Variants in PRAG1 observed in about 807,000 individuals in gnomAD.
PRAG1 encodes the protein inactive tyrosine-protein kinase PRAG1.
Under a neutral mutation model 95.6 loss-of-function variants are expected in PRAG1, and 110 were observed. The observed-to-expected ratio is 1.15, with a 90% CI of 0.99 to 1.35. PRAG1 has a LOEUF of 1.35. Ranked by LOEUF, PRAG1 falls within the 40% of genes most tolerant of loss-of-function variation. The probability of loss-of-function intolerance (pLI) is 0.00; values close to 1 mark genes in which losing one functional copy is unlikely to be tolerated. For synonymous variants in PRAG1, 1,052 were observed against 819.4 expected (o/e 1.28, Z -4.85); for missense variants, 2,554 against 1,864.7 (o/e 1.37, Z -6.81).
chr8:8,361,501 A>T (rs1799847408), intron 3 of PRAG1, among the ~76,000 whole-genome samples: 1 of 152,196 alleles, frequency 6.6e-6, no homozygotes, highest in Non-Finnish European at 1.5e-5. Context: ...CCCATTTCTT[A>T]TCAGATGAGG....
intron 3 of PRAG1, among the ~76,000 whole-genome samples, chr8:8,350,490 G>C (rs776999966): frequency 1.3e-4 from 20 of 152,206 alleles, no homozygotes; most frequent in Non-Finnish European, 2.4e-4. Flanking sequence ...GAAAAAGTGG[G>C]AACTAACAAG....
At chr8:8,365,341 C>T (rs946120350) in intron 3 of PRAG1, among the ~76,000 whole-genome samples, 7 of 152,102 alleles carry the variant, frequency 4.6e-5, no homozygotes, top group African/African-American at 1.4e-4. Flanking sequence ...ATCAATACAA[C>T]GGCTGGACAT....
chr8:8,357,571 C>A (rs1799720779), intron 3 of PRAG1, among the ~76,000 whole-genome samples: 1 of 152,246 alleles, frequency 6.6e-6, no homozygotes, highest in African/African-American at 2.4e-5. Flanking sequence ...GAAATTGGAA[C>A]CCTTGTGCAC....
At position 8,319,056 on chromosome 8, in the gene PRAG1, AG is replaced by A; in HGVS notation, c.3318del (p.Ser1107ArgfsTer30). 3.7e-6 allele frequency: 6 copies of A among 1,612,404 alleles called. No homozygotes were observed. The highest frequency in any genetic ancestry group is 5.1e-6 in the Non-Finnish European group (6 of 1,179,764). On this transcript the variant is annotated frameshift_variant, in exon 6 of 6. Coordinates refer to ENST00000615670, the MANE Select transcript of PRAG1 (RefSeq NM_001080826.3). LOFTEE classifies it high-confidence loss of function. ...PHQTASDFVR[D>X]SAASHQAEPE... ...GGCTCCGCCTGGTGGCTGGCCGCCG[AG>A]TCCCGCACGAAGTCGGAGGCGGTCT...
intron 4 of PRAG1, among the ~76,000 whole-genome samples, chr8:8,330,150 G>C (rs1238033496): frequency 6.6e-6 from 1 of 152,158 alleles, no homozygotes; most frequent in East Asian, 1.9e-4. Context: ...AGGATCACTT[G>C]AGCTCAGGAG....
intron 3 of PRAG1, among the ~76,000 whole-genome samples, chr8:8,340,566 A>G (rs1309331422): frequency 1.3e-5 from 2 of 152,234 alleles, no homozygotes; most frequent in Non-Finnish European, 2.9e-5. Context: ...CCATATCTCA[A>G]TATCTGCTAT....
In PRAG1 at chr8:8,319,024, C is replaced by A. The variant is rs116402506; in HGVS notation, c.3351G>T (p.Ala1117=). 1.2e-6 allele frequency: 2 copies of A among 1,613,284 alleles called. No individual in the cohort carries two copies. The highest frequency in any genetic ancestry group is 1.7e-6 in the Non-Finnish European group (2 of 1,179,832). Reference sequence around the variant, plus strand: ...GCAGGAAGCACACGCGCCGCTCGTACGCCTCGGGCTCCGCCTGGTGGCTGG... The same window carrying A: ...GCAGGAAGCACACGCGCCGCTCGTAAGCCTCGGGCTCCGCCTGGTGGCTGG... ...SAASHQAEPE[A]YERRVCFLLL... The change falls in exon 6 of 6, where the codon GCG becomes GCT. Residue 1117 remains alanine (A), a synonymous_variant. Coordinates refer to ENST00000615670, the MANE Select transcript of PRAG1 (RefSeq NM_001080826.3).
At chr8:8,327,134 T>G (rs911326618) in intron 5 of PRAG1, among the ~76,000 whole-genome samples, 2 of 152,192 alleles carry the variant, frequency 1.3e-5, no homozygotes, top group Non-Finnish European at 2.9e-5. Context: ...AATAAATGAA[T>G]AAACTCTCCG....
intron 3 of PRAG1, among the ~76,000 whole-genome samples, chr8:8,371,618 C>T (rs1418154412): frequency 1.3e-5 from 2 of 152,106 alleles, no homozygotes; most frequent in Admixed American, 1.3e-4. Context: ...GCCTGCAATC[C>T]CAACACTTTG....
chr8:8,370,871 G>A (rs969285206), intron 3 of PRAG1, among the ~76,000 whole-genome samples: 1 of 152,090 alleles, frequency 6.6e-6, no homozygotes, highest in African/African-American at 2.4e-5. Flanking sequence ...GCAAAAGACC[G>A]GGGGCTGTAG....
intron 3 of PRAG1, among the ~76,000 whole-genome samples, chr8:8,367,579 A>G (rs1286343371): frequency 6.6e-6 from 1 of 150,648 alleles, no homozygotes; most frequent in African/African-American, 2.4e-5. Flanking sequence ...CTTCAAGGTC[A>G]TAAGGTCATA....
At chr8:8,336,989 A>G (rs1799009548) in intron 4 of PRAG1, among the ~76,000 whole-genome samples, 1 of 150,260 alleles carries the variant, frequency 6.7e-6, no homozygotes, top group African/African-American at 2.5e-5. Context: ...AGAAGTTTAC[A>G]CAAACTACTA....
intron 3 of PRAG1, among the ~76,000 whole-genome samples, chr8:8,360,791 G>C (rs1420521727): frequency 6.6e-6 from 1 of 152,036 alleles, no homozygotes; most frequent in African/African-American, 2.4e-5. Flanking sequence ...GAAAGATTTT[G>C]GGTTCAGGGT....
chr8:8,344,071 T>C (rs1799256660), intron 3 of PRAG1, among the ~76,000 whole-genome samples: 1 of 152,174 alleles, frequency 6.6e-6, no homozygotes, highest in African/African-American at 2.4e-5. Flanking sequence ...CCTTAAAATG[T>C]GGCATGCATT....
At chr8:8,346,866 G>A (rs977263746) in intron 3 of PRAG1, among the ~76,000 whole-genome samples, 1 of 152,258 alleles carries the variant, frequency 6.6e-6, no homozygotes, top group African/African-American at 2.4e-5. Context: ...CCACTGGAGC[G>A]GAATCTTTGA....
chr8:8,322,580 C>T (rs1051522396), intron 5 of PRAG1, among the ~76,000 whole-genome samples: 4 of 152,058 alleles, frequency 2.6e-5, no homozygotes, highest in African/African-American at 4.8e-5. Flanking sequence ...GGGAAGGGGG[C>T]GCTGGACATG....
chr8:8,375,915 A>G (rs1377792683), intron 3 of PRAG1, among the ~76,000 whole-genome samples: 1 of 152,170 alleles, frequency 6.6e-6, no homozygotes, highest in Non-Finnish European at 1.5e-5. Context: ...AAAAAAGCCT[A>G]CTGAAGACAC....
Position 8,318,390 on chromosome 8 carries a change from G to A in PRAG1, c.3985C>T (p.Leu1329=). 1 of 1,613,378 alleles carries A rather than the reference G, an allele frequency of 6.2e-7. No individual in the cohort carries two copies. The highest frequency in any genetic ancestry group is 2.2e-5 in the East Asian group (1 of 44,864). The change falls in exon 6 of 6, where the codon CTG becomes TTG. Residue 1329 remains leucine (L), a synonymous_variant. Coordinates refer to ENST00000615670, the MANE Select transcript of PRAG1 (RefSeq NM_001080826.3). The surrounding 1 kb of genome is among the most constrained non-coding windows in gnomAD (Gnocchi z 4.2). ...ACCAGCTCGCGCCGAGGCCCCCACA[G>A]CAGGCACTGCAGCACGCGCTTGGCC... ...GEAKRVLQCL[L]WGPRRELVQQ...
intron 4 of PRAG1, among the ~76,000 whole-genome samples, chr8:8,331,291 C>G (rs1475436220): frequency 1.3e-5 from 2 of 152,144 alleles, no homozygotes; most frequent in Non-Finnish European, 2.9e-5. Context: ...GTCTTTACTA[C>G]AAGGCTATCC....
Sources: allele counts gnomAD v4.1 joint callset (sites outside exome capture counted in the v4.1 genomes callset), GRCh38; gene constraint gnomAD v4.1.1; non-coding constraint Gnocchi (gnomAD v3.1); transcripts MANE v1.5; gene names NCBI Gene and HGNC (gene_info 2026-07-23, HGNC 2026-07-21).